Variants in MAMDC2 observed in about 807,000 individuals in gnomAD.
The protein encoded by MAMDC2 is MAM domain containing 2.
A neutral mutation model predicts 89.8 loss-of-function variants in MAMDC2; 57 were observed. The ratio of observed to expected loss-of-function variants is 0.63; its 90% confidence interval spans 0.51 to 0.79. MAMDC2 has a LOEUF of 0.79. Among genes scored for constraint, MAMDC2 ranks in the 30% least tolerant of loss-of-function variants. The pLI is 0.00. For missense variants in MAMDC2, 800 were observed against 820.6 expected (o/e 0.97, Z 0.31); for synonymous variants, 313 against 293.4 (o/e 1.07, Z -0.68).
intron 12 of MAMDC2, among the ~76,000 whole-genome samples, chr9:70,220,139 G>A (rs2033530135): frequency 6.6e-6 from 1 of 152,108 alleles, no homozygotes; most frequent in African/African-American, 2.4e-5. Context: ...CTGATTTTTT[G>A]TTCAACTCTC....
At chr9:70,200,163 C>T (rs927343390) in intron 11 of MAMDC2, among the ~76,000 whole-genome samples, 3 of 152,036 alleles carry the variant, frequency 2.0e-5, no homozygotes, top group Non-Finnish European at 2.9e-5. Flanking sequence ...TAGGTTTTCT[C>T]CTAGGGTTTT....
chr9:70,218,917 T>G (rs2033501104), intron 12 of MAMDC2, among the ~76,000 whole-genome samples: 1 of 152,252 alleles, frequency 6.6e-6, no homozygotes, highest in South Asian at 2.1e-4. Context: ...AAGTCTTTTC[T>G]TCTAAATATG....
chr9:70,126,909 A>G (rs1165658107), intron 6 of MAMDC2, among the ~76,000 whole-genome samples: 1 of 151,472 alleles, frequency 6.6e-6, no homozygotes, highest in East Asian at 1.9e-4. Flanking sequence ...CAAACTTGCT[A>G]TTATGGCCCT....
chr9:70,218,563 A>G lies in MAMDC2; in HGVS notation c.1878A>G (p.Ala626=), dbSNP rs1564004312. ...AACAGAGCATTTCCTGGCTACGAGCACTGATTGAATACAGCTGTGAGAGGC... is the reference window on the plus strand; with the variant it reads ...AACAGAGCATTTCCTGGCTACGAGCGCTGATTGAATACAGCTGTGAGAGGC... The part of the protein sequence containing the change: ...RGEQSISWLR[A]LIEYSCERQH... The change falls in exon 12 of 14, where the codon GCA becomes GCG. Residue 626 remains alanine (A), a synonymous_variant. Transcript: ENST00000377182. 8 of 1,613,876 alleles carry G rather than the reference A, an allele frequency of 5.0e-6. No homozygotes were observed. Among genetic ancestry groups the G allele is most frequent in the Non-Finnish European group, 6.8e-6 (8 of 1,179,850 alleles).
At chr9:70,124,217 A>T (rs1370804308) in intron 5 of MAMDC2, among the ~76,000 whole-genome samples, 1 of 152,114 alleles carries the variant, frequency 6.6e-6, no homozygotes, top group East Asian at 1.9e-4. Flanking sequence ...GGACTATCAG[A>T]TGTTTTTATT....
At chr9:70,066,705 GT>G (rs1827274344) in intron 2 of MAMDC2, among the ~76,000 whole-genome samples, 1 of 152,192 alleles carries the variant, frequency 6.6e-6, no homozygotes, top group Admixed American at 6.5e-5. Flanking sequence ...GCATCCCAGA[GT>G]GGGGGTTTTT....
intron 11 of MAMDC2, among the ~76,000 whole-genome samples, chr9:70,183,999 G>A (rs1403671968): frequency 6.6e-6 from 1 of 152,154 alleles, no homozygotes; most frequent in African/African-American, 2.4e-5. Flanking sequence ...AATTTGGTAC[G>A]TATTTGCAGT....
At position 70,207,381 on chromosome 9, in the gene MAMDC2, T is replaced by C. The variant is rs148247525; in HGVS notation, c.1652-10956T>C. On this transcript the variant is annotated intron_variant, in intron 11 of 13. Transcript: ENST00000377182. Reference sequence around the variant, plus strand: ...TGATTTGCATTTCTCTGATGGCCAGTGCTGATGAGCATTATTCATGTGTCT... The same window carrying C: ...TGATTTGCATTTCTCTGATGGCCAGCGCTGATGAGCATTATTCATGTGTCT... Among the ~76,000 whole-genome samples, 598 of 152,360 alleles carry C rather than the reference T, an allele frequency of 3.9e-3. 3 individuals are homozygous for C. Among genetic ancestry groups the C allele is most frequent in the African/African-American group, 0.013 (553 of 41,600 alleles).
rs1282481147 is a variant in MAMDC2, at chr9:70,195,346, G to T, written c.1652-22991G>T. Among the ~76,000 whole-genome samples the T allele has an allele frequency of 3.9e-5, 6 of 152,010 alleles. No homozygotes were observed. In the East Asian group the frequency reaches 1.2e-3, roughly 29 times the overall value. On this transcript the variant is annotated intron_variant, in intron 11 of 13. Transcript: ENST00000377182. ...TAGTGACTTGCATCAAAGTGGGATG[G>T]ATGCTGCAGGATTTGACAAACTATT... is the stretch of plus-strand genomic sequence containing the variant.
intron 12 of MAMDC2, among the ~76,000 whole-genome samples, chr9:70,222,223 T>C (rs1303445881): frequency 1.3e-5 from 2 of 152,114 alleles, no homozygotes; most frequent in Non-Finnish European, 2.9e-5. Flanking sequence ...TTTATTGAGA[T>C]GAGGAAGAGT....
chr9:70,213,943 G>A (rs2033402033), intron 11 of MAMDC2, among the ~76,000 whole-genome samples: 1 of 152,158 alleles, frequency 6.6e-6, no homozygotes, highest in African/African-American at 2.4e-5. Flanking sequence ...GTGGAGCCAT[G>A]TGCCCTAGAA....
intron 2 of MAMDC2, among the ~76,000 whole-genome samples, chr9:70,075,027 T>C (rs1827500881): frequency 6.6e-6 from 1 of 152,154 alleles, no homozygotes; most frequent in African/African-American, 2.4e-5. Flanking sequence ...GATATTGAGG[T>C]TGATAGCTAG....
intron 9 of MAMDC2, among the ~76,000 whole-genome samples, chr9:70,146,402 T>C (rs1397589011): frequency 1.3e-5 from 2 of 152,226 alleles, no homozygotes; most frequent in Admixed American, 1.3e-4. Flanking sequence ...TCTGGCTACA[T>C]GTCTCAAAGT....
intron 9 of MAMDC2, among the ~76,000 whole-genome samples, chr9:70,146,978 G>T (rs2031425738): frequency 6.8e-6 from 1 of 147,468 alleles, no homozygotes; most frequent in Non-Finnish European, 1.5e-5. Context: ...TCATTTGGTT[G>T]GGTGTGGTGG....
At chr9:70,127,430 T>G (rs2030603205) in intron 6 of MAMDC2, among the ~76,000 whole-genome samples, 1 of 138,666 alleles carries the variant, frequency 7.2e-6, no homozygotes, top group Non-Finnish European at 1.6e-5. Flanking sequence ...TTTGGAGCTA[T>G]AAGTAGAGTC....
At chr9:70,115,109 G>A (rs568212716) in intron 5 of MAMDC2, among the ~76,000 whole-genome samples, 3 of 152,286 alleles carry the variant, frequency 2.0e-5, no homozygotes, top group Non-Finnish European at 4.4e-5. Context: ...CATTGACAAT[G>A]GGAGGCCACA....
chr9:70,112,151 G>A (rs886984137), intron 4 of MAMDC2, among the ~76,000 whole-genome samples: 7 of 152,304 alleles, frequency 4.6e-5, no homozygotes, highest in Non-Finnish European at 7.4e-5. Flanking sequence ...ACGTGGATCC[G>A]CAGGGGGCCA....
At chr9:70,059,181 C>G (rs1259083116) in intron 2 of MAMDC2, among the ~76,000 whole-genome samples, 6 of 152,136 alleles carry the variant, frequency 3.9e-5, no homozygotes, top group Non-Finnish European at 8.8e-5. Context: ...CCACAGAAGC[C>G]TGAGAAGAGG....
intron 4 of MAMDC2, 125 bp downstream of exon 4, chr9:70,109,929 T>C (rs1417143879): frequency 1.3e-6 from 1 of 748,216 alleles, no homozygotes; most frequent in African/African-American, 1.8e-5. Context: ...TAATGCATAC[T>C]GGTTTAAATT....
Sources: gnomAD v4.1 joint callset for allele counts (sites outside exome capture counted in the v4.1 genomes callset) on GRCh38, gnomAD v4.1.1 for gene constraint, MANE v1.5 for transcripts, NCBI Gene and HGNC (gene_info 2026-07-23, HGNC 2026-07-21) for gene names.